The following CRISP2 variants were observed in gnomAD, a reference collection of about 807,000 sequenced individuals.
CRISP2 encodes cysteine rich secretory protein 2.
A neutral mutation model predicts 31.7 loss-of-function variants in CRISP2; 29 were observed. The observed-to-expected ratio is 0.92, with a 90% confidence interval of 0.68 to 1.25. CRISP2 has a LOEUF of 1.25. Ranked by LOEUF, CRISP2 falls within the 50% of genes most tolerant of loss-of-function variation. The pLI, the probability that CRISP2 is intolerant of heterozygous loss-of-function variation, is 0.00. For synonymous variants in CRISP2, 111 were observed against 101.4 expected, an observed-to-expected ratio of 1.09 and a Z score of -0.57; for missense variants, 318 against 286.5, an observed-to-expected ratio of 1.11 and a Z score of -0.79.
chr6:49,693,864 C>T (rs1371501132), intron 9 of CRISP2, among the ~76,000 whole-genome samples: 2 of 152,078 alleles, frequency 1.3e-5, no homozygotes, highest in Non-Finnish European at 2.9e-5. Context: ...GTTTGTTGGG[C>T]TTCCTCCAAA....
At chr6:49,700,867 A>C in intron 4 of CRISP2, 83 bp from the exon 5 acceptor site, 1 of 881,790 alleles carries the variant, frequency 1.1e-6, no homozygotes, top group East Asian at 2.8e-5. Flanking sequence ...CAAGAGAACA[A>C]AGGTCACTTT....
At chr6:49,679,689 G>GTT in the CRISP2 span, among the ~76,000 whole-genome samples, 1,237 of 150,534 alleles carry the variant, frequency 8.2e-3, 19 homozygotes, top group African/African-American at 0.025. Flanking sequence ...CAGTGTTGTT[G>GTT]TTTTTTTTTG....
chr6:49,708,018 A>G (rs1042612162), intron 4 of CRISP2, among the ~76,000 whole-genome samples: 1 of 152,196 alleles, frequency 6.6e-6, no homozygotes, highest in Non-Finnish European at 1.5e-5. Context: ...TGTTTTCTTA[A>G]TTAAAAATAT....
chr6:49,683,493 G>A, the CRISP2 span, among the ~76,000 whole-genome samples: 4 of 148,162 alleles, frequency 2.7e-5, no homozygotes, highest in Admixed American at 6.7e-5. Context: ...GTGAAACCTC[G>A]CCTCTACTAA....
chr6:49,710,539 T>C (rs966959545), intron 3 of CRISP2, among the ~76,000 whole-genome samples: 1 of 152,196 alleles, frequency 6.6e-6, no homozygotes, highest in Non-Finnish European at 1.5e-5. Flanking sequence ...AATTCCCTTA[T>C]TAATACATAA....
chr6:49,707,786 C>T (rs1767328169), intron 4 of CRISP2, among the ~76,000 whole-genome samples: 1 of 152,118 alleles, frequency 6.6e-6, no homozygotes, highest in Admixed American at 6.5e-5. Context: ...AACAGCAATG[C>T]CAAAGCTGTT....
intron 7 of CRISP2, 63 bp from the exon 8 acceptor site, chr6:49,698,020 A>G (rs1179176582): frequency 1.5e-6 from 2 of 1,296,686 alleles, no homozygotes; most frequent in Non-Finnish European, 2.1e-6. Context: ...AATATTTAAA[A>G]AAGTAGCAAA....
downstream of CRISP2, among the ~76,000 whole-genome samples, chr6:49,692,174 T>G (rs953274274): frequency 6.6e-6 from 1 of 152,172 alleles, no homozygotes; most frequent in African/African-American, 2.4e-5. Context: ...TTGTTAAAAT[T>G]TAACTTTATA....
chr6:49,686,843 C>A, the CRISP2 span, among the ~76,000 whole-genome samples: 3 of 152,198 alleles, frequency 2.0e-5, no homozygotes, highest in African/African-American at 4.8e-5. Flanking sequence ...GAAAATGTGG[C>A]ACATATACAC....
downstream of CRISP2, among the ~76,000 whole-genome samples, chr6:49,690,236 C>G (rs895666684): frequency 3.3e-5 from 5 of 152,078 alleles, no homozygotes; most frequent in African/African-American, 1.2e-4. Context: ...ATGTACACCA[C>G]AGTGTGCATG....
intron 9 of CRISP2, among the ~76,000 whole-genome samples, chr6:49,694,250 C>T (rs1764367565): frequency 1.3e-5 from 2 of 152,196 alleles, no homozygotes; most frequent in Admixed American, 6.6e-5. Context: ...GCATCTGAAG[C>T]CCATGGACTC....
At chr6:49,683,269 GTGTATACCTAT>G in the CRISP2 span, among the ~76,000 whole-genome samples, 1 of 151,982 alleles carries the variant, frequency 6.6e-6, no homozygotes, top group African/African-American at 2.4e-5. Context: ...TTCTAAACAT[GTGTATACCTAT>G]GTAAATAGCA....
chr6:49,701,646 A>C lies in CRISP2; in HGVS notation c.67-862T>G, dbSNP rs188902092. On this transcript the variant is annotated intron_variant, in intron 4 of 9. Coordinates refer to ENST00000339139, the MANE Select transcript of CRISP2 (RefSeq NM_003296.4). ...TACATTATATATGTATACATTATAT[A>C]TGTATACATTATATATGTATACATT... Among the ~76,000 whole-genome samples the C allele has an allele frequency of 9.9e-3, 1,244 of 125,076 alleles. 17 individuals are homozygous for C. Among genetic ancestry groups the C allele is most frequent in the South Asian group, 0.028 (119 of 4,306 alleles). The allele number at this position is 125,076 out of a possible 152,430, so 82.1% of individuals were successfully genotyped here.
chr6:49,684,695 C>A, the CRISP2 span, among the ~76,000 whole-genome samples: 9 of 152,130 alleles, frequency 5.9e-5, no homozygotes, highest in Admixed American at 5.2e-4. Context: ...AAAATTTTAA[C>A]ATGTAAATTA....
rs574616255 is a variant in CRISP2, at chr6:49,692,961, C to T, written c.605-61G>A. On this transcript the variant is annotated intron_variant, in intron 9 of 9. Coordinates refer to ENST00000339139, the MANE Select transcript of CRISP2 (RefSeq NM_003296.4). Reference sequence around the variant, plus strand: ...TTTCCTCAGTAAGAGCAAAACCATACATTCAAAGTGTGTGGGGAGGGGGTA... The same window carrying T: ...TTTCCTCAGTAAGAGCAAAACCATATATTCAAAGTGTGTGGGGAGGGGGTA... 4 of 1,580,968 alleles carry T rather than the reference C, an allele frequency of 2.5e-6. No homozygotes were observed. In the Admixed American group the frequency reaches 5.1e-5, roughly 20 times the overall value.
chr6:49,692,766 A>G lies in CRISP2; in HGVS notation c.*7T>C, dbSNP rs1764135649. ...CATGCAGTCTTGCACAATGCTCACTAGGTAAATCAGTAAATTTTGTTCTCA... is the reference window on the plus strand; with the variant it reads ...CATGCAGTCTTGCACAATGCTCACTGGGTAAATCAGTAAATTTTGTTCTCA... On this transcript the variant is annotated 3_prime_UTR_variant, in exon 10 of 10. Transcript: ENST00000339139. 1.2e-6 allele frequency: 2 copies of G among 1,612,010 alleles called. No homozygotes were observed.
At chr6:49,687,042 G>C in the CRISP2 span, among the ~76,000 whole-genome samples, 1 of 152,050 alleles carries the variant, frequency 6.6e-6, no homozygotes, top group Non-Finnish European at 1.5e-5. Context: ...TCACACACCA[G>C]GGATGGTTGT....
intron 8 of CRISP2, chr6:49,697,597 A>T: frequency 1.4e-6 from 1 of 725,082 alleles, no homozygotes; most frequent in Non-Finnish European, 2.1e-6. Flanking sequence ...CTCACAGAGT[A>T]ACCCTAAGCT....
At chr6:49,701,943 G>A (rs12200254) in intron 4 of CRISP2, among the ~76,000 whole-genome samples, 44 of 1,488 alleles carry the variant, frequency 0.03, no homozygotes, top group Admixed American at 0.11. Flanking sequence ...TATAATATAT[G>A]TAATATAATA....
Sources: gnomAD v4.1 joint callset for allele counts (sites outside exome capture counted in the v4.1 genomes callset) on GRCh38, gnomAD v4.1.1 for gene constraint, MANE v1.5 for transcripts, NCBI Gene and HGNC (gene_info 2026-07-23, HGNC 2026-07-21) for gene names.